ARHGAP15: variants seen among roughly 807,000 people sequenced by gnomAD.
ARHGAP15 encodes the protein Rho GTPase activating protein 15, also known as rho GTPase-activating protein 15.
A neutral mutation model predicts 63.7 loss-of-function variants in ARHGAP15; 51 were observed. The observed-to-expected ratio is 0.80, with a 90% CI of 0.64 to 1.01. ARHGAP15 has a LOEUF of 1.01. Ranked by LOEUF, ARHGAP15 falls within the 50% of genes least tolerant of loss-of-function variation. The pLI is 0.00. For synonymous variants in ARHGAP15, 191 were observed against 193.8 expected, an observed-to-expected ratio of 0.99 and a Z score of 0.12; for missense variants, 560 against 564.6, an observed-to-expected ratio of 0.99 and a Z score of 0.08.
intron 9 of ARHGAP15, among the ~76,000 whole-genome samples, chr2:143,497,922 A>G (rs1259646470): frequency 3.9e-5 from 6 of 152,164 alleles, no homozygotes; most frequent in Non-Finnish European, 8.8e-5. Flanking sequence ...GTCTCTAAAG[A>G]TAGTACATGT....
intron 2 of ARHGAP15, among the ~76,000 whole-genome samples, chr2:143,196,577 A>G (rs1457187454): frequency 1.3e-5 from 2 of 152,040 alleles, no homozygotes; most frequent in Non-Finnish European, 2.9e-5. Flanking sequence ...TCAGAGAAAC[A>G]GAATTGTCAG....
chr2:143,709,825 C>T (rs1030028268), intron 13 of ARHGAP15, among the ~76,000 whole-genome samples: 1 of 152,110 alleles, frequency 6.6e-6, no homozygotes, highest in Non-Finnish European at 1.5e-5. Context: ...TTTAAAATGA[C>T]ACTGTAGGTA....
At chr2:143,447,741 G>A (rs189204554) in intron 8 of ARHGAP15, among the ~76,000 whole-genome samples, 57 of 152,266 alleles carry the variant, frequency 3.7e-4, no homozygotes, top group Admixed American at 2.5e-3. Flanking sequence ...TTTAAACCTC[G>A]TTTACTTTTG....
chr2:143,327,673 A>C (rs1407847462), intron 6 of ARHGAP15, among the ~76,000 whole-genome samples: 4 of 152,184 alleles, frequency 2.6e-5, no homozygotes, highest in Non-Finnish European at 5.9e-5. Context: ...AACCTAGGCA[A>C]TACCATGCAG....
At chr2:143,288,188 C>A (rs1682207164) in intron 6 of ARHGAP15, among the ~76,000 whole-genome samples, 1 of 152,148 alleles carries the variant, frequency 6.6e-6, no homozygotes, top group Admixed American at 6.6e-5. Context: ...AGGTGTCATT[C>A]AAGGCCATAG....
chr2:143,493,924 A>C (rs993553865), intron 9 of ARHGAP15, among the ~76,000 whole-genome samples: 3 of 152,214 alleles, frequency 2.0e-5, no homozygotes, highest in African/African-American at 7.2e-5. Context: ...CCTGTCCAAC[A>C]CTGAGTTGCA....
intron 6 of ARHGAP15, among the ~76,000 whole-genome samples, chr2:143,333,779 T>C (rs1446515549): frequency 6.6e-6 from 1 of 152,030 alleles, no homozygotes; most frequent in Non-Finnish European, 1.5e-5. Flanking sequence ...ATTCGGGAAA[T>C]ATAGATATAG....
At chr2:143,618,917 C>T (rs1367971251) in intron 11 of ARHGAP15, among the ~76,000 whole-genome samples, 1 of 151,932 alleles carries the variant, frequency 6.6e-6, no homozygotes, top group African/African-American at 2.4e-5. Flanking sequence ...TGACTGCAAC[C>T]TCTACCTCCC....
intron 13 of ARHGAP15, among the ~76,000 whole-genome samples, chr2:143,742,488 A>C (rs544650344): frequency 6.6e-6 from 1 of 152,364 alleles, no homozygotes; most frequent in Admixed American, 6.5e-5. Context: ...GAAAACCAAC[A>C]AAAGGAAAGA....
intron 10 of ARHGAP15, among the ~76,000 whole-genome samples, chr2:143,555,132 C>A (rs1695732939): frequency 6.6e-6 from 1 of 152,094 alleles, no homozygotes; most frequent in Non-Finnish European, 1.5e-5. Flanking sequence ...TTAAATTATG[C>A]CATTATTACC....
At chr2:143,702,656 T>G (rs1488140195) in intron 12 of ARHGAP15, among the ~76,000 whole-genome samples, 1 of 152,186 alleles carries the variant, frequency 6.6e-6, no homozygotes, top group African/African-American at 2.4e-5. Flanking sequence ...GAAATCAGTT[T>G]CAGACTGAAA....
intron 6 of ARHGAP15, among the ~76,000 whole-genome samples, chr2:143,422,885 T>A (rs1688985858): frequency 6.6e-6 from 1 of 152,028 alleles, no homozygotes; most frequent in South Asian, 2.1e-4. Flanking sequence ...AAGAAGAGGA[T>A]ACAGCTACAG....
intron 8 of ARHGAP15, among the ~76,000 whole-genome samples, chr2:143,465,456 T>C (rs535974717): frequency 4.3e-4 from 66 of 152,286 alleles, no homozygotes; most frequent in African/African-American, 1.5e-3. Context: ...AAATATTACA[T>C]ATATGGGCTA....
chr2:143,661,565 G>A (rs1681775917), intron 12 of ARHGAP15, among the ~76,000 whole-genome samples: 1 of 152,072 alleles, frequency 6.6e-6, no homozygotes, highest in Non-Finnish European at 1.5e-5. Context: ...AAGTGCTCGG[G>A]AGGAGCCAAG....
chr2:143,487,292 T>C (rs1692367134), intron 8 of ARHGAP15, 81 bp from the exon 9 acceptor site: 1 of 1,480,722 alleles, frequency 6.8e-7, no homozygotes, highest in Non-Finnish European at 9.1e-7. Context: ...TCATAACTAC[T>C]GTTTTCTATT....
chr2:143,528,857 A>G (rs1056093366), intron 10 of ARHGAP15, among the ~76,000 whole-genome samples: 1 of 152,112 alleles, frequency 6.6e-6, no homozygotes, highest in Non-Finnish European at 1.5e-5. Flanking sequence ...GATATTACAT[A>G]GTCTAATATT....
At chr2:143,673,280 G>C (rs1308335069) in intron 12 of ARHGAP15, among the ~76,000 whole-genome samples, 3 of 152,244 alleles carry the variant, frequency 2.0e-5, no homozygotes, top group African/African-American at 7.2e-5. Flanking sequence ...CAGAGACACA[G>C]AAAGCACGTT....
intron 4 of ARHGAP15, among the ~76,000 whole-genome samples, chr2:143,226,687 T>C (rs4662317): frequency 0.75 from 114,372 of 152,166 alleles, 44,040 homozygotes; most frequent in East Asian, 0.94. Context: ...ATCTTTTCAT[T>C]ATTTAATTGA....
intron 2 of ARHGAP15, among the ~76,000 whole-genome samples, chr2:143,156,454 G>C (rs1399616116): frequency 6.6e-6 from 1 of 151,858 alleles, no homozygotes; most frequent in African/African-American, 2.4e-5. Context: ...GGAGAAATAG[G>C]TTAGCTGGGG....
Sources: allele counts gnomAD v4.1 joint callset (sites outside exome capture counted in the v4.1 genomes callset), GRCh38; gene constraint gnomAD v4.1.1; transcripts MANE v1.5; gene names NCBI Gene and HGNC (gene_info 2026-07-23, HGNC 2026-07-21).